CLVS1: variants seen among roughly 807,000 people sequenced by gnomAD.
CLVS1 encodes the protein clavesin-1.
In CLVS1, 10 loss-of-function variants were observed where a neutral mutation model predicts 33.1. The ratio of observed to expected loss-of-function variants is 0.30; its 90% confidence interval spans 0.19 to 0.51. CLVS1 has a LOEUF of 0.51. CLVS1 is among the 20% of genes least tolerant of loss of function. The pLI is 0.97. For synonymous variants in CLVS1, 163 were observed against 166.1 expected, an observed-to-expected ratio of 0.98 and a Z score of 0.14; for missense variants, 343 against 433.4, an observed-to-expected ratio of 0.79 and a Z score of 1.85.
intron 5 of CLVS1, among the ~76,000 whole-genome samples, chr8:61,460,590 A>G (rs1817335000): frequency 6.6e-6 from 1 of 152,198 alleles, no homozygotes; most frequent in Non-Finnish European, 1.5e-5. Context: ...GAGAGAAGTG[A>G]GCAGGAACAT....
At chr8:61,161,727 C>A (rs1223437937) in intron 2 of CLVS1, among the ~76,000 whole-genome samples, 1 of 152,182 alleles carries the variant, frequency 6.6e-6, no homozygotes, top group Non-Finnish European at 1.5e-5. Context: ...TGATGCATAG[C>A]ATCATGACTG....
At chr8:61,416,415 T>G (rs1264043343) in intron 3 of CLVS1, among the ~76,000 whole-genome samples, 65 of 152,306 alleles carry the variant, frequency 4.3e-4, no homozygotes, top group Middle Eastern at 6.8e-3. Flanking sequence ...AATTTTGTAT[T>G]GGTTCATCCC....
rs566461735 is a variant in CLVS1 at position 61,181,824 on chromosome 8, C to T, written c.-152+49964C>T. On this transcript the variant is annotated intron_variant, in intron 2 of 2. Transcript: ENST00000522621. ...CTGCCATTCTCCTGCCTCAGCCTCCCGAGTAGCTGGGACTACAGGTGCCCG... is the reference window on the plus strand; with the variant it reads ...CTGCCATTCTCCTGCCTCAGCCTCCTGAGTAGCTGGGACTACAGGTGCCCG... Among the ~76,000 whole-genome samples the T allele has an allele frequency of 2.0e-4, 31 of 151,826 alleles. No homozygotes were observed. In the East Asian group the frequency reaches 4.1e-3, roughly 20 times the overall value.
chr8:61,206,059 A>G (rs1563444631), intron 2 of CLVS1, among the ~76,000 whole-genome samples: 1 of 152,246 alleles, frequency 6.6e-6, no homozygotes, highest in African/African-American at 2.4e-5. Flanking sequence ...GCGTATAAGT[A>G]GCAGAATTAA....
rs533516953 is a variant in CLVS1 at position 61,107,678 on chromosome 8, G to A, written c.-242-24092G>A. On this transcript the variant is annotated intron_variant, in intron 1 of 2. Coordinates refer to the CLVS1 transcript ENST00000522621. ...ACCTGGAGATGGCAGCTGGTTCTCC[G>A]TGAAGATGAGCATCGCTGCTTCATC... Among the ~76,000 whole-genome samples the A allele has an allele frequency of 2.2e-4, 34 of 152,334 alleles. No homozygotes were observed. The South Asian group carries it at 5.2e-3, about 23-fold the overall frequency.
chr8:61,180,703 G>A (rs187842972), intron 2 of CLVS1, among the ~76,000 whole-genome samples: 135 of 152,214 alleles, frequency 8.9e-4, no homozygotes, highest in African/African-American at 3.1e-3. Flanking sequence ...ATCAATAAAC[G>A]TAATCCATCA....
chr8:61,378,335 T>A (rs1244476518), intron 3 of CLVS1: 1 of 152,212 alleles, frequency 6.6e-6, no homozygotes, highest in Non-Finnish European at 1.5e-5. Flanking sequence ...ATGGATTACT[T>A]AATACGTCCC....
intron 5 of CLVS1, among the ~76,000 whole-genome samples, chr8:61,485,192 T>G (rs1259831498): frequency 6.6e-6 from 1 of 151,958 alleles, no homozygotes; most frequent in Non-Finnish European, 1.5e-5. Context: ...CGCAACCTAC[T>G]CATCTGACAA....
At chr8:60,968,679 AG>A in the CLVS1 span, among the ~76,000 whole-genome samples, 1 of 151,830 alleles carries the variant, frequency 6.6e-6, no homozygotes, top group Non-Finnish European at 1.5e-5. Context: ...ACTTGAGGCC[AG>A]GGGTTCGAGA....
chr8:61,173,394 T>A (rs1807047501), intron 2 of CLVS1, among the ~76,000 whole-genome samples: 1 of 152,082 alleles, frequency 6.6e-6, no homozygotes, highest in African/African-American at 2.4e-5. Flanking sequence ...TTGGTTTGGG[T>A]TTGGTTTGTT....
the CLVS1 span, among the ~76,000 whole-genome samples, chr8:60,991,249 A>G: frequency 2.0e-5 from 3 of 152,212 alleles, no homozygotes; most frequent in Admixed American, 1.3e-4. Context: ...ATGGTATGCT[A>G]CTTTTTGTAT....
At chr8:61,240,955 C>A (rs1051027231) in intron 2 of CLVS1, among the ~76,000 whole-genome samples, 2 of 140,118 alleles carry the variant, frequency 1.4e-5, no homozygotes, top group Admixed American at 7.3e-5. Flanking sequence ...CTATAACAAA[C>A]TACCATAGAC....
chr8:61,329,486 G>A (rs1037263816), intron 2 of CLVS1, among the ~76,000 whole-genome samples: 18 of 152,166 alleles, frequency 1.2e-4, no homozygotes, highest in African/African-American at 4.3e-4. Context: ...TAATCAGTTG[G>A]ACATTTCAAA....
the CLVS1 span, among the ~76,000 whole-genome samples, chr8:61,035,183 T>C: frequency 1.3e-4 from 12 of 89,556 alleles, no homozygotes; most frequent in South Asian, 3.4e-4. Flanking sequence ...TTCTTTTCTT[T>C]TTTCTTTTTT....
chr8:61,461,943 A>T (rs548646256), intron 5 of CLVS1, among the ~76,000 whole-genome samples: 3 of 152,274 alleles, frequency 2.0e-5, no homozygotes, highest in Non-Finnish European at 2.9e-5. Context: ...TTTTGTTTTC[A>T]TCTTTATTTC....
chr8:61,118,389 C>G (rs1228280006), intron 1 of CLVS1, among the ~76,000 whole-genome samples: 1 of 149,512 alleles, frequency 6.7e-6, no homozygotes, highest in Admixed American at 6.7e-5. Flanking sequence ...CTGCTCTGAT[C>G]TTAGTTATTT....
intron 2 of CLVS1, among the ~76,000 whole-genome samples, chr8:61,361,025 A>G (rs1411264660): frequency 6.6e-6 from 1 of 152,206 alleles, no homozygotes; most frequent in Non-Finnish European, 1.5e-5. Context: ...AAGCAGGCAC[A>G]TCTTACATGG....
At chr8:61,287,624 G>T (rs1809815925), upstream of CLVS1, among the ~76,000 whole-genome samples, 2 of 151,874 alleles carry the variant, frequency 1.3e-5, no homozygotes, top group Admixed American at 1.3e-4. Context: ...TTATTTTGGT[G>T]AAAAGACTTT....
At chr8:61,054,775 G>T (rs1336828469), upstream of CLVS1, among the ~76,000 whole-genome samples, 3 of 152,040 alleles carry the variant, frequency 2.0e-5, no homozygotes, top group African/African-American at 4.8e-5. Context: ...GCAAATAAAT[G>T]CATGAGTCAC....
Sources: gnomAD v4.1 joint callset for allele counts (sites outside exome capture counted in the v4.1 genomes callset) on GRCh38, gnomAD v4.1.1 for gene constraint, MANE v1.5 for transcripts, NCBI Gene and HGNC (gene_info 2026-07-23, HGNC 2026-07-21) for gene names.